The following DLC1 variants were observed in gnomAD, a reference collection of about 807,000 sequenced individuals.
The protein encoded by DLC1 is DLC1 Rho GTPase activating protein, also known as rho GTPase-activating protein 7.
DLC1 carries 54 observed loss-of-function variants against 140.3 expected under a neutral mutation model. The observed-to-expected ratio is 0.38, with a 90% CI of 0.31 to 0.48. The LOEUF (loss-of-function observed/expected upper bound fraction) is 0.48, where lower values mean the gene tolerates loss of function less well. DLC1 is among the 20% of genes least tolerant of loss of function. DLC1 has a pLI of 0.96. For synonymous variants in DLC1, 986 were observed against 728.1 expected, an observed-to-expected ratio of 1.35 and a Z score of -5.70; for missense variants, 2,536 against 1,907.0, an observed-to-expected ratio of 1.33 and a Z score of -6.14.
intron 5 of DLC1, among the ~76,000 whole-genome samples, chr8:13,303,277 G>T (rs1832277636): frequency 6.6e-6 from 1 of 152,080 alleles, no homozygotes; most frequent in South Asian, 2.1e-4. Flanking sequence ...CTGAGATGGG[G>T]CATCCTGGGG....
intron 4 of DLC1, among the ~76,000 whole-genome samples, chr8:13,360,920 T>A (rs1835194194): frequency 6.6e-6 from 1 of 151,984 alleles, no homozygotes; most frequent in Admixed American, 6.6e-5. Context: ...AGAAAACAAG[T>A]ATTTTCCTTT....
intron 2 of DLC1, among the ~76,000 whole-genome samples, chr8:13,463,060 C>G (rs1799744924): frequency 7.0e-6 from 1 of 142,946 alleles, no homozygotes; most frequent in Non-Finnish European, 1.5e-5. Context: ...AACATAGCCT[C>G]TTACATAGTC....
chr8:13,126,265 G>A (rs1252975653), intron 5 of DLC1, among the ~76,000 whole-genome samples: 2 of 151,680 alleles, frequency 1.3e-5, no homozygotes, highest in African/African-American at 2.4e-5. Flanking sequence ...AATAAACTAA[G>A]AAGGAAATGG....
intron 5 of DLC1, among the ~76,000 whole-genome samples, chr8:13,124,660 C>T (rs1821401664): frequency 6.6e-6 from 1 of 152,152 alleles, no homozygotes; most frequent in African/African-American, 2.4e-5. Flanking sequence ...AGATAGGTGG[C>T]CTTAAGAAAA....
intron 2 of DLC1, among the ~76,000 whole-genome samples, chr8:13,475,275 A>G (rs1381025790): frequency 6.6e-6 from 1 of 152,246 alleles, no homozygotes; most frequent in Non-Finnish European, 1.5e-5. Flanking sequence ...GGTGTTCCCT[A>G]CGATATAGCA....
intron 1 of DLC1, among the ~76,000 whole-genome samples, chr8:13,513,218 A>G (rs1802454994): frequency 6.6e-6 from 1 of 152,096 alleles, no homozygotes; most frequent in Admixed American, 6.5e-5. Context: ...ACCTCAAGCC[A>G]TTGTTAGAGG....
chr8:13,471,887 C>A (rs1054427032), intron 2 of DLC1, among the ~76,000 whole-genome samples: 2 of 152,198 alleles, frequency 1.3e-5, no homozygotes, highest in African/African-American at 4.8e-5. Context: ...GGGCTCTTCC[C>A]CAGAAGGAGA....
At chr8:13,211,470 C>T (rs150226860) in intron 5 of DLC1, among the ~76,000 whole-genome samples, 51 of 152,310 alleles carry the variant, frequency 3.3e-4, no homozygotes, top group African/African-American at 1.2e-3. Flanking sequence ...CTTGCATTCT[C>T]TCCTGAGTGA....
At chr8:13,399,992 C>T (rs1248230758) in intron 3 of DLC1, among the ~76,000 whole-genome samples, 2 of 152,084 alleles carry the variant, frequency 1.3e-5, no homozygotes, top group South Asian at 2.1e-4. Context: ...GGTCCAGGTC[C>T]TAATCCTGCC....
At chr8:13,097,458 T>C (rs1818599948) in intron 10 of DLC1, among the ~76,000 whole-genome samples, 2 of 152,016 alleles carry the variant, frequency 1.3e-5, no homozygotes, top group Admixed American at 1.3e-4. Flanking sequence ...GAGATGGGGT[T>C]TCGCCATGTT....
At chr8:13,432,279 A>C (rs1367011309) in intron 2 of DLC1, among the ~76,000 whole-genome samples, 3 of 152,204 alleles carry the variant, frequency 2.0e-5, no homozygotes, top group African/African-American at 7.2e-5. Context: ...GGAAAATACT[A>C]ATGAAAGATA....
chr8:13,385,890 A>C (rs951728983), intron 4 of DLC1, among the ~76,000 whole-genome samples: 3 of 152,208 alleles, frequency 2.0e-5, no homozygotes, highest in Non-Finnish European at 2.9e-5. Context: ...AATATGGGAA[A>C]ATATTTAATA....
chr8:13,518,512 G>A (rs1002583753), upstream of DLC1, among the ~76,000 whole-genome samples: 1 of 152,146 alleles, frequency 6.6e-6, no homozygotes, highest in Non-Finnish European at 1.5e-5. Context: ...GTTGAATCTG[G>A]ACTTCTGTAC....
chr8:13,461,660 T>C (rs1369945827), intron 2 of DLC1, among the ~76,000 whole-genome samples: 1 of 152,210 alleles, frequency 6.6e-6, no homozygotes, highest in Non-Finnish European at 1.5e-5. Context: ...CAAATTATGC[T>C]TGGTCCCAGG....
intron 5 of DLC1, among the ~76,000 whole-genome samples, chr8:13,243,309 A>G (rs1829621567): frequency 1.3e-5 from 2 of 151,154 alleles, no homozygotes; most frequent in South Asian, 2.1e-4. Context: ...AAAAAAAAAA[A>G]AAAAAAAGTG....
Position 13,085,107 on chromosome 8 carries a change from C to T in DLC1, c.*704G>A, listed in dbSNP as rs1455002426. 6.6e-6 allele frequency: 1 copy of T among 152,084 alleles called. No homozygotes were observed. The highest frequency in any genetic ancestry group is 2.4e-5 in the African/African-American group (1 of 41,402). The allele number at this position is 152,084 out of a possible 1,614,324, so 9.4% of individuals were successfully genotyped here. A position where few individuals can be genotyped will look rare whatever the true frequency, so the allele number is the denominator to read the frequency against. On this transcript the variant is annotated 3_prime_UTR_variant, in exon 18 of 18. Transcript: ENST00000276297. ...CATTTGGAATGGGTGTAAGAGCCAA[C>T]CTATTACAATCAAAGTACAGAAGAG...
chr8:13,345,636 C>G (rs1356598095), intron 4 of DLC1, among the ~76,000 whole-genome samples: 5 of 137,456 alleles, frequency 3.6e-5, no homozygotes, highest in Admixed American at 8.3e-5. Flanking sequence ...TCACTGCAAC[C>G]TCTGTCTGCC....
At chr8:13,327,120 ATTTTTT>A (rs34667525) in intron 4 of DLC1, among the ~76,000 whole-genome samples, 17 of 85,636 alleles carry the variant, frequency 2.0e-4, no homozygotes, top group Middle Eastern at 0.011. Context: ...ACACCCGGCT[ATTTTTT>A]TTTTTTTTTT....
chr8:13,249,997 G>A (rs1014252136), intron 5 of DLC1, among the ~76,000 whole-genome samples: 12 of 152,070 alleles, frequency 7.9e-5, no homozygotes, highest in African/African-American at 2.9e-4. Context: ...AAGTGCTTTG[G>A]GACATTGTGG....
Sources: gnomAD v4.1 joint callset for allele counts (sites outside exome capture counted in the v4.1 genomes callset) on GRCh38, gnomAD v4.1.1 for gene constraint, MANE v1.5 for transcripts, NCBI Gene and HGNC (gene_info 2026-07-23, HGNC 2026-07-21) for gene names.